RAP1GDS1: variants seen among roughly 807,000 people sequenced by gnomAD.
RAP1GDS1 encodes the protein Rap1 GTPase-GDP dissociation stimulator 1.
A neutral mutation model predicts 71.1 loss-of-function variants in RAP1GDS1; 35 were observed. That is an observed-to-expected ratio of 0.49 (90% CI 0.38 to 0.65). The LOEUF is 0.65. RAP1GDS1 is among the 30% of genes least tolerant of loss of function. The pLI is 0.00. For synonymous variants in RAP1GDS1, 229 were observed against 243.1 expected, an observed-to-expected ratio of 0.94 and a Z score of 0.54; for missense variants, 663 against 706.1, an observed-to-expected ratio of 0.94 and a Z score of 0.69.
intron 2 of RAP1GDS1, among the ~76,000 whole-genome samples, chr4:98,303,627 A>AATAATATATAATATAAT (rs1553965662): frequency 2.1e-4 from 30 of 141,332 alleles, no homozygotes; most frequent in African/African-American, 7.5e-4. Context: ...GTAAATTAAT[A>AATAATATATAATATAAT]ATAATATAAT....
At chr4:98,283,459 T>G (rs576685362) in intron 1 of RAP1GDS1, among the ~76,000 whole-genome samples, 106 of 152,254 alleles carry the variant, frequency 7.0e-4, no homozygotes, top group African/African-American at 2.4e-3. Context: ...TTAGGCATTA[T>G]AAACAGTGAC....
intron 7 of RAP1GDS1, among the ~76,000 whole-genome samples, chr4:98,406,263 T>G (rs1030522549): frequency 3.3e-5 from 5 of 152,020 alleles, no homozygotes; most frequent in African/African-American, 1.2e-4. Context: ...AAAGACCATT[T>G]GTCACTTGTG....
chr4:98,363,478 C>CAAAAAAAAAAAAAAAAAAAAAA (rs34393905), intron 4 of RAP1GDS1, among the ~76,000 whole-genome samples: 5 of 37,728 alleles, frequency 1.3e-4, no homozygotes, highest in African/African-American at 4.9e-4. Flanking sequence ...GACCCTGTCT[C>CAAAAAAAAAAAAAAAAAAAAAA]AAAAAAAAAA....
rs201953501 is a variant in RAP1GDS1 at position 98,408,090 on chromosome 4, T to TTA, written c.763+3502_763+3503dup. The stretch of plus-strand genomic sequence containing the variant: ...ATGAACAATTTGATGCCCATATATT[T>TTA]TATATATATATATATTTTTTTTTTT... On this transcript the variant is annotated intron_variant, in intron 7 of 14. Coordinates refer to ENST00000408927, the MANE Select transcript of RAP1GDS1 (RefSeq NM_001100427.2). 5.8e-3 allele frequency among the ~76,000 whole-genome samples: 841 copies of TTA among 143,920 alleles called. 4 individuals carry two copies. The highest frequency in any genetic ancestry group is 0.019 in the African/African-American group (685 of 36,718). The allele number at this position is 143,920 out of a possible 152,430, so 94.4% of individuals were successfully genotyped here. A position where few individuals can be genotyped will look rare whatever the true frequency, so the allele number is the denominator to read the frequency against.
At chr4:98,420,215 A>T in intron 11 of RAP1GDS1, 71 bp downstream of exon 11, 1 of 1,306,486 alleles carries the variant, frequency 7.7e-7, no homozygotes, top group Non-Finnish European at 1.0e-6. Context: ...TTGAAAAAGG[A>T]CTTGTTTTTA....
intron 1 of RAP1GDS1, among the ~76,000 whole-genome samples, chr4:98,293,150 A>T (rs192672462): frequency 1.5e-4 from 23 of 152,290 alleles, no homozygotes; most frequent in East Asian, 7.7e-4. Context: ...TATGGAAAAA[A>T]GATGTTCTTT....
chr4:98,409,787 T>G, intron 7 of RAP1GDS1: 1 of 387,782 alleles, frequency 2.6e-6, no homozygotes, highest in Non-Finnish European at 5.1e-6. Context: ...GATAAAAGGC[T>G]TCTAGACTAT....
At chr4:98,382,987 A>C (rs1018255188) in intron 5 of RAP1GDS1, among the ~76,000 whole-genome samples, 11 of 151,796 alleles carry the variant, frequency 7.2e-5, no homozygotes, top group Non-Finnish European at 1.2e-4. Flanking sequence ...AAGCGTGTTG[A>C]GTCTGCATTT....
intron 12 of RAP1GDS1, among the ~76,000 whole-genome samples, chr4:98,422,011 C>T (rs1374223786): frequency 2.0e-5 from 3 of 151,784 alleles, no homozygotes; most frequent in African/African-American, 7.3e-5. Context: ...TCCTGGATAA[C>T]ATAGTGAAAC....
intron 1 of RAP1GDS1, among the ~76,000 whole-genome samples, chr4:98,289,973 G>A (rs898376870): frequency 1.1e-4 from 17 of 151,846 alleles, no homozygotes; most frequent in Non-Finnish European, 2.4e-4. Flanking sequence ...ATAGTTATGT[G>A]AAAATAATAG....
chr4:98,324,298 A>T (rs1732542861), intron 2 of RAP1GDS1, among the ~76,000 whole-genome samples: 1 of 151,936 alleles, frequency 6.6e-6, no homozygotes, highest in African/African-American at 2.4e-5. Flanking sequence ...AGAACATTCC[A>T]TGCTCATGGG....
chr4:98,435,332 GT>G (rs964224914), intron 13 of RAP1GDS1, among the ~76,000 whole-genome samples: 2 of 152,136 alleles, frequency 1.3e-5, no homozygotes, highest in African/African-American at 4.8e-5. Context: ...TCCTTGAATG[GT>G]CTGTTGGTGA....
chr4:98,430,779 G>C (rs931132393), intron 12 of RAP1GDS1, among the ~76,000 whole-genome samples: 4 of 152,254 alleles, frequency 2.6e-5, no homozygotes, highest in African/African-American at 7.2e-5. Flanking sequence ...TAGATCCTTA[G>C]CCAGCTGTGT....
chr4:98,377,222 C>A (rs527852349), intron 4 of RAP1GDS1, among the ~76,000 whole-genome samples: 1 of 151,832 alleles, frequency 6.6e-6, no homozygotes, highest in Non-Finnish European at 1.5e-5. Context: ...AAATACTATT[C>A]GAGCTTTGCA....
intron 4 of RAP1GDS1, among the ~76,000 whole-genome samples, chr4:98,373,848 C>T (rs1740763029): frequency 6.6e-6 from 1 of 152,076 alleles, no homozygotes; most frequent in Non-Finnish European, 1.5e-5. Context: ...GTAAAATAAG[C>T]ATTACTTGAA....
At chr4:98,280,755 A>C (rs542963296) in intron 1 of RAP1GDS1, among the ~76,000 whole-genome samples, 1 of 152,306 alleles carries the variant, frequency 6.6e-6, no homozygotes, top group Non-Finnish European at 1.5e-5. Context: ...CTAACATTTA[A>C]GTCTTTAATC....
intron 12 of RAP1GDS1, among the ~76,000 whole-genome samples, chr4:98,429,521 A>G (rs1441156557): frequency 1.3e-5 from 2 of 152,148 alleles, no homozygotes; most frequent in African/African-American, 4.8e-5. Flanking sequence ...GGGGTGAGGG[A>G]TAAAAGACTA....
chr4:98,338,197 AAG>A (rs778738442), intron 2 of RAP1GDS1, among the ~76,000 whole-genome samples: 1 of 152,166 alleles, frequency 6.6e-6, no homozygotes, highest in Non-Finnish European at 1.5e-5. Flanking sequence ...TATTTACTAA[AAG>A]AGAAAATTTT....
chr4:98,406,806 T>C (rs1004956396), intron 7 of RAP1GDS1, among the ~76,000 whole-genome samples: 1 of 152,030 alleles, frequency 6.6e-6, no homozygotes, highest in Non-Finnish European at 1.5e-5. Context: ...CCTAAGTGAG[T>C]TGTCTAGTAA....
Sources: allele counts gnomAD v4.1 joint callset (sites outside exome capture counted in the v4.1 genomes callset), GRCh38; gene constraint gnomAD v4.1.1; transcripts MANE v1.5; gene names NCBI Gene and HGNC (gene_info 2026-07-23, HGNC 2026-07-21).